SLC36A2: variants seen among roughly 807,000 people sequenced by gnomAD.
The protein encoded by SLC36A2 is proton-coupled amino acid transporter 2.
SLC36A2 carries 39 observed loss-of-function variants against 42.7 expected under a neutral mutation model. The ratio of observed to expected loss-of-function variants is 0.91; its 90% CI spans 0.71 to 1.19. The LOEUF is 1.19. Ranked by LOEUF, SLC36A2 falls within the 50% of genes most tolerant of loss-of-function variation. The pLI is 0.00. For synonymous variants in SLC36A2, 237 were observed against 240.8 expected, an observed-to-expected ratio of 0.98 and a Z score of 0.15; for missense variants, 590 against 613.7, an observed-to-expected ratio of 0.96 and a Z score of 0.41.
rs544915773 is a variant in SLC36A2, at chr5:151,320,676, C to T, written c.1180+1370G>A. ...AATGACCTCAGCCAATAGGCAAGCACAGGACCGTCCAGGGGTCAAGGAGCC... is the reference window on the plus strand; with the variant it reads ...AATGACCTCAGCCAATAGGCAAGCATAGGACCGTCCAGGGGTCAAGGAGCC... On this transcript the variant is annotated intron_variant, in intron 9 of 9. Transcript: ENST00000335244. Among the ~76,000 whole-genome samples the T allele has an allele frequency of 1.6e-4, 24 of 152,316 alleles. 1 individual carries two copies. In the East Asian group the frequency reaches 4.6e-3, roughly 29 times the overall value.
intron 4 of SLC36A2, among the ~76,000 whole-genome samples, chr5:151,342,561 C>T (rs1011132733): frequency 2.6e-5 from 4 of 152,232 alleles, no homozygotes; most frequent in Admixed American, 6.5e-5. Context: ...CTGCCTTTCT[C>T]ACTGGACTAT....
chr5:151,318,455 TA>T lies in SLC36A2; in HGVS notation c.1181-1368del, dbSNP rs1052539141. Among the ~76,000 whole-genome samples the T allele has an allele frequency of 7.1e-4, 98 of 138,728 alleles. 1 individual carries two copies. In the South Asian group the frequency reaches 0.014, roughly 20 times the overall value. The allele number at this position is 138,728 out of a possible 152,430, so 91.0% of individuals were successfully genotyped here. On this transcript the variant is annotated intron_variant, in intron 9 of 9. Coordinates refer to ENST00000335244, the MANE Select transcript of SLC36A2 (RefSeq NM_181776.3). ...AAATAAATAATACAAATTTATTATT[TA>T]TTTTATATATAAATAAAATATATTT...
Position 151,334,959 on chromosome 5 carries a change from A to C in SLC36A2, c.744+370T>G, listed in dbSNP as rs143037483. ...TATTGGGTACCTGAAATTGTACCCT[A>C]TGGGTAACGCAATAACTTTTAGCTG... On this transcript the variant is annotated intron_variant, in intron 6 of 9. Transcript: ENST00000335244. 1.3e-4 allele frequency among the ~76,000 whole-genome samples: 20 copies of C among 151,780 alleles called. No individual in the cohort carries two copies. The East Asian group carries it at 3.7e-3, about 28-fold the overall frequency.
rs1349157259 is a variant in SLC36A2 at position 151,335,493 on chromosome 5, T to A, written c.580A>T (p.Ile194Phe). 1.2e-6 allele frequency: 2 copies of A among 1,613,926 alleles called. No individual in the cohort carries two copies. The highest frequency in any genetic ancestry group is 1.7e-5 in the Admixed American group (1 of 59,996). The change falls in exon 6 of 10, where the codon ATT (isoleucine) becomes TTT (phenylalanine). Residue 194 changes from isoleucine to phenylalanine, a missense_variant. By Grantham distance (21) the Ile-to-Phe change is conservative. Transcript: ENST00000335244. ...TNNCYSNETV[I>F]LTPTMDSRLY... ...CGCGAGTCCATGGTGGGGGTCAGAATCACCGTCTCATTGGAATAGCAGTTG... is the reference window on the plus strand; with the variant it reads ...CGCGAGTCCATGGTGGGGGTCAGAAACACCGTCTCATTGGAATAGCAGTTG...
rs149585377 is a variant in SLC36A2 at position 151,335,345 on chromosome 5, A to G, written c.728T>C (p.Ile243Thr). The change falls in exon 6 of 10, where the codon ATA becomes ACA. Residue 243 changes from isoleucine to threonine, a missense_variant. Transcript: ENST00000335244. Reference protein sequence around the residue: ...ISMLVSLVIIIQYITQEIPDP... With the variant: ...ISMLVSLVIITQYITQEIPDP... ...TGCACTCACCTGGGTAATGTACTGT[A>G]TGATGATGACCAAGCTGACCAGCAT... The G allele has an allele frequency of 6.2e-7, 1 of 1,613,178 alleles. No homozygotes were observed. The highest frequency in any genetic ancestry group is 8.5e-7 in the Non-Finnish European group (1 of 1,179,636).
At chr5:151,325,834 C>A (rs749535873) in intron 7 of SLC36A2, among the ~76,000 whole-genome samples, 1 of 152,026 alleles carries the variant, frequency 6.6e-6, no homozygotes, top group South Asian at 2.1e-4. Flanking sequence ...GTAGGTAGGT[C>A]CAAAGAGGCA....
At chr5:151,324,375 C>T (rs1449641067) in intron 8 of SLC36A2, among the ~76,000 whole-genome samples, 1 of 151,540 alleles carries the variant, frequency 6.6e-6, no homozygotes, top group East Asian at 1.9e-4. Context: ...TCTTGTTGCC[C>T]AGGCTGGAGT....
Position 151,339,155 on chromosome 5 carries a change from G to A in SLC36A2, c.441-11C>T, listed in dbSNP as rs1238581767. 1 of 1,596,022 alleles carries A rather than the reference G, an allele frequency of 6.3e-7. No individual in the cohort carries two copies. The highest frequency in any genetic ancestry group is 1.3e-5 in the African/African-American group (1 of 74,500). On this transcript the variant is annotated splice_polypyrimidine_tract_variant and intron_variant, in intron 4 of 9. Transcript: ENST00000335244. ...AAGCTCACGATATGCCTAGAAGGGA[G>A]AAGAGAGGGAAAAAGAAAACTTGTT...
intron 8 of SLC36A2, 132 bp downstream of exon 8, chr5:151,325,154 C>A (rs1049831102): frequency 9.3e-6 from 10 of 1,076,148 alleles, no homozygotes; most frequent in African/African-American, 1.6e-5. Flanking sequence ...ACCGTGGTTC[C>A]AATGACAATT....
intron 9 of SLC36A2, among the ~76,000 whole-genome samples, chr5:151,321,159 A>G (rs1490646265): frequency 6.6e-6 from 1 of 151,280 alleles, no homozygotes; most frequent in Non-Finnish European, 1.5e-5. Flanking sequence ...TTATTTATTT[A>G]TTTATTTATT....
chr5:151,333,097 C>T, intron 7 of SLC36A2, 127 bp downstream of exon 7: 1 of 849,266 alleles, frequency 1.2e-6, no homozygotes. Flanking sequence ...GTTACTTTCT[C>T]CCATGGGCAT....
At position 151,316,740 on chromosome 5, in the gene SLC36A2, CAAAAAA is replaced by C. The variant is rs33912867; in HGVS notation, c.*71_*76del. On this transcript the variant is annotated 3_prime_UTR_variant, in exon 10 of 10. Transcript: ENST00000335244. The stretch of plus-strand genomic sequence containing the variant: ...GGGCAACAAGACAGAAACTCCGTCT[CAAAAAA>C]AAAAAAAAAAAAAAAAAGAGATCCA... 0.012 allele frequency: 10,649 copies of C among 894,648 alleles called. 23 individuals carry two copies. The highest frequency in any genetic ancestry group is 0.021 in the Middle Eastern group (55 of 2,626). The allele number at this position is 894,648 out of a possible 1,614,324, so 55.4% of individuals were successfully genotyped here.
intron 4 of SLC36A2, 102 bp from the exon 5 acceptor site, chr5:151,339,246 G>T: frequency 2.5e-6 from 2 of 807,504 alleles, no homozygotes; most frequent in Non-Finnish European, 4.1e-6. Flanking sequence ...GGGATTGGTT[G>T]CCCTGTACCA....
chr5:151,319,290 G>T, intron 9 of SLC36A2: 1 of 183,968 alleles, frequency 5.4e-6, no homozygotes, highest in Non-Finnish European at 1.0e-5. Context: ...TCCTTGATCT[G>T]TCTGGAATAT....
chr5:151,336,057 T>C (rs1392715378), intron 5 of SLC36A2, among the ~76,000 whole-genome samples: 1 of 151,576 alleles, frequency 6.6e-6, no homozygotes, highest in African/African-American at 2.4e-5. Flanking sequence ...TAACACAAAA[T>C]AAATAACTGG....
Position 151,335,514 on chromosome 5 carries a change from A to C in SLC36A2, c.559T>G (p.Cys187Gly). 6.8e-6 allele frequency: 11 copies of C among 1,614,020 alleles called. No homozygotes were observed. Among genetic ancestry groups the C allele is most frequent in the Non-Finnish European group, 9.3e-6 (11 of 1,179,952 alleles). Residue 187 changes from cysteine (C) to glycine (G), a missense_variant, in exon 6 of 10, where the codon TGC (cysteine) becomes GGC (glycine). Cys to Gly is a radical substitution (Grantham distance 159, BLOSUM62 -3). Coordinates refer to ENST00000335244, the MANE Select transcript of SLC36A2 (RefSeq NM_181776.3). ...AGAATCACCGTCTCATTGGAATAGC[A>C]GTTGTTGGTTGTGCTATTAACAGCT... The part of the protein sequence containing the change: ...VEAVNSTTNN[C>G]YSNETVILTP...
In SLC36A2 at chr5:151,322,177, A is replaced by G; in HGVS notation, c.1049T>C (p.Ile350Thr). ...QSVKLLYIAG[I>T]LCTYALQFYV... ...GAACTGCAGGGCATAGGTGCACAGGATGCCGGCAATGTAGAGAAGCTTGAC... is the reference window on the plus strand; with the variant it reads ...GAACTGCAGGGCATAGGTGCACAGGGTGCCGGCAATGTAGAGAAGCTTGAC... Residue 350 changes from isoleucine to threonine, a missense_variant, in exon 9 of 10, where the codon ATC (isoleucine) becomes ACC (threonine). Transcript: ENST00000335244. 3 of 1,614,206 alleles carry G rather than the reference A, an allele frequency of 1.9e-6. No homozygotes were observed. Among genetic ancestry groups the G allele is most frequent in the Non-Finnish European group, 2.5e-6 (3 of 1,180,022 alleles).
chr5:151,340,820 A>G (rs375857251), intron 4 of SLC36A2, among the ~76,000 whole-genome samples: 2 of 152,158 alleles, frequency 1.3e-5, no homozygotes, highest in African/African-American at 4.8e-5. Flanking sequence ...TAAGGCAATA[A>G]AATCAGAGGG....
intron 1 of SLC36A2, among the ~76,000 whole-genome samples, chr5:151,345,767 G>A (rs1756474637): frequency 6.6e-6 from 1 of 152,208 alleles, no homozygotes. Flanking sequence ...AGTGCGGTAA[G>A]TCATGCAAAG....
Sources: allele counts gnomAD v4.1 joint callset (sites outside exome capture counted in the v4.1 genomes callset), GRCh38; gene constraint gnomAD v4.1.1; transcripts MANE v1.5; gene names NCBI Gene and HGNC (gene_info 2026-07-23, HGNC 2026-07-21).